The following DRC8 variants were observed in gnomAD, a reference collection of about 807,000 sequenced individuals.
DRC8 encodes dynein regulatory complex subunit 8, also known as dynein regulatory complex protein 8.
At chr1:245,056,948 A>G in the DRC8 span, among the ~76,000 whole-genome samples, 2 of 151,954 alleles carry the variant, frequency 1.3e-5, no homozygotes, top group South Asian at 2.1e-4. Flanking sequence ...AAAAAAAAAG[A>G]AAAAGGAAAA....
At chr1:244,995,929 G>A in the DRC8 span, among the ~76,000 whole-genome samples, 127 of 152,254 alleles carry the variant, frequency 8.3e-4, 1 homozygote, top group African/African-American at 2.5e-3. Context: ...CATGTGTTAC[G>A]CCAGCTCCCC....
At chr1:245,081,160 T>C in the DRC8 span, among the ~76,000 whole-genome samples, 2 of 150,160 alleles carry the variant, frequency 1.3e-5, no homozygotes, top group East Asian at 1.9e-4. Flanking sequence ...TTTTTATTTA[T>C]CTATATATAT....
chr1:245,117,538 C>T, the DRC8 span, among the ~76,000 whole-genome samples: 1 of 152,002 alleles, frequency 6.6e-6, no homozygotes, highest in Non-Finnish European at 1.5e-5. Flanking sequence ...ATTCTCTTTC[C>T]TCAGCCTCCC....
the DRC8 span, chr1:244,971,069 C>T: frequency 6.4e-6 from 1 of 155,448 alleles, no homozygotes; most frequent in African/African-American, 2.4e-5. Context: ...CGTTCGCGGC[C>T]ACCATTTTGC....
chr1:245,059,520 T>G, the DRC8 span: 3 of 1,410,172 alleles, frequency 2.1e-6, no homozygotes, highest in South Asian at 2.5e-5. Context: ...TCCTTGTAAT[T>G]AAAAACAATC....
the DRC8 span, among the ~76,000 whole-genome samples, chr1:245,052,169 C>T: frequency 2.0e-5 from 3 of 152,214 alleles, no homozygotes; most frequent in Admixed American, 1.3e-4. Flanking sequence ...CAACAGACGA[C>T]TGAGCGGATT....
At chr1:245,002,624 T>G in the DRC8 span, among the ~76,000 whole-genome samples, 1 of 152,024 alleles carries the variant, frequency 6.6e-6, no homozygotes, top group African/African-American at 2.4e-5. Flanking sequence ...GCTCAAGCCA[T>G]CCTCCTGCCT....
At chr1:245,079,628 G>A in the DRC8 span, among the ~76,000 whole-genome samples, 5 of 152,158 alleles carry the variant, frequency 3.3e-5, no homozygotes, top group African/African-American at 1.2e-4. Flanking sequence ...ACGGTTCGTA[G>A]CTTGATCAGG....
chr1:245,041,269 C>A, the DRC8 span, among the ~76,000 whole-genome samples: 1 of 151,398 alleles, frequency 6.6e-6, no homozygotes, highest in Admixed American at 6.6e-5. Context: ...TAAGATCAAG[C>A]CAAAAACGTT....
At chr1:245,028,968 G>A in the DRC8 span, among the ~76,000 whole-genome samples, 2 of 152,230 alleles carry the variant, frequency 1.3e-5, no homozygotes, top group Admixed American at 6.5e-5. Flanking sequence ...TCATATCTGT[G>A]ATGAAGCTTG....
At chr1:245,085,865 T>G in the DRC8 span, among the ~76,000 whole-genome samples, 1 of 152,238 alleles carries the variant, frequency 6.6e-6, no homozygotes, top group Admixed American at 6.5e-5. Flanking sequence ...ACAATAGGAC[T>G]GTCTGTGGCA....
chr1:245,116,832 G>A, the DRC8 span, among the ~76,000 whole-genome samples: 1 of 152,078 alleles, frequency 6.6e-6, no homozygotes, highest in Admixed American at 6.5e-5. Flanking sequence ...GCTTTTTCTT[G>A]TGTGCTGTGT....
the DRC8 span, among the ~76,000 whole-genome samples, chr1:245,075,059 T>C: frequency 1.3e-5 from 2 of 152,214 alleles, no homozygotes; most frequent in Non-Finnish European, 2.9e-5. Flanking sequence ...AAGCATGAAA[T>C]GGTTCAGTTT....
At chr1:245,113,882 G>T in the DRC8 span, among the ~76,000 whole-genome samples, 1 of 152,116 alleles carries the variant, frequency 6.6e-6, no homozygotes, top group African/African-American at 2.4e-5. Flanking sequence ...AGCAAGTGAT[G>T]ACGTGGGGCT....
At chr1:244,988,801 CTT>C in the DRC8 span, among the ~76,000 whole-genome samples, 1 of 152,170 alleles carries the variant, frequency 6.6e-6, no homozygotes, top group African/African-American at 2.4e-5. Flanking sequence ...TAATGGGTAA[CTT>C]TGATTGAATA....
At chr1:245,071,224 G>A in the DRC8 span, among the ~76,000 whole-genome samples, 7 of 152,232 alleles carry the variant, frequency 4.6e-5, no homozygotes, top group Non-Finnish European at 1.0e-4. Flanking sequence ...GGTCAAGGCT[G>A]GAAGACTTTG....
At chr1:245,032,199 A>G in the DRC8 span, among the ~76,000 whole-genome samples, 8 of 152,296 alleles carry the variant, frequency 5.3e-5, no homozygotes, top group Non-Finnish European at 1.0e-4. Context: ...AATGGCTGTG[A>G]AAGGGAGAAG....
the DRC8 span, among the ~76,000 whole-genome samples, chr1:244,988,852 T>C: frequency 8.1e-4 from 123 of 152,320 alleles, no homozygotes; most frequent in African/African-American, 2.8e-3. Flanking sequence ...AACAACCTTG[T>C]CAGCTAGATA....
chr1:244,977,831 C>A, the DRC8 span, among the ~76,000 whole-genome samples: 99,051 of 151,746 alleles, frequency 0.65, 34,470 homozygotes, highest in East Asian at 1. Flanking sequence ...ATATAGATAA[C>A]ATTTGCATGT....
Sources: allele counts gnomAD v4.1 joint callset (sites outside exome capture counted in the v4.1 genomes callset), GRCh38; gene constraint gnomAD v4.1.1; transcripts MANE v1.5; gene names NCBI Gene and HGNC (gene_info 2026-07-23, HGNC 2026-07-21).